Variants in BICRAL observed in about 807,000 individuals in gnomAD.
The protein encoded by BICRAL is BICRA like chromatin remodeling complex associated protein.
A neutral mutation model predicts 91.8 loss-of-function variants in BICRAL; 8 were observed. The ratio of observed to expected loss-of-function variants is 0.09; its 90% CI spans 0.05 to 0.16. BICRAL has a LOEUF of 0.16. Among genes scored for constraint, BICRAL ranks in the 10% least tolerant of loss-of-function variants. The pLI is 1.00. For missense variants in BICRAL, 1,038 were observed against 1,310.9 expected (o/e 0.79, Z 3.21); for synonymous variants, 445 against 491.1 (o/e 0.91, Z 1.24).
rs545922807 is a variant in BICRAL, at chr6:42,833,511, G to A, written c.1839+3339G>A. Reference sequence around the variant, plus strand: ...TGTCCAGGCTAGAGTGCAGTGGTACGATCTCGGCTCACTGCAACCTCCACC... The same window carrying A: ...TGTCCAGGCTAGAGTGCAGTGGTACAATCTCGGCTCACTGCAACCTCCACC... On this transcript the variant is annotated intron_variant, in intron 6 of 12. Transcript: ENST00000314073. Among the ~76,000 whole-genome samples, 6 of 151,398 alleles carry A rather than the reference G, an allele frequency of 4.0e-5. No individual in the cohort carries two copies. The South Asian group carries it at 1.0e-3, about 26-fold the overall frequency.
chr6:42,861,617 G>A (rs1765558180), intron 11 of BICRAL, among the ~76,000 whole-genome samples: 1 of 152,150 alleles, frequency 6.6e-6, no homozygotes, highest in Admixed American at 6.6e-5. Flanking sequence ...TGGGAGATTG[G>A]TTGAGCTATA....
At chr6:42,842,690 T>C (rs999885810) in intron 6 of BICRAL, among the ~76,000 whole-genome samples, 3 of 152,212 alleles carry the variant, frequency 2.0e-5, no homozygotes, top group African/African-American at 7.2e-5. Context: ...CTGCCTATTA[T>C]ACTTTTTATT....
At chr6:42,858,852 A>G (rs551170773) in intron 10 of BICRAL, among the ~76,000 whole-genome samples, 2 of 152,224 alleles carry the variant, frequency 1.3e-5, no homozygotes, top group South Asian at 4.1e-4. Context: ...TAATTTAGAG[A>G]TAAGAGCCCC....
At chr6:42,771,991 G>A (rs141605647) in intron 1 of BICRAL, among the ~76,000 whole-genome samples, 5 of 152,190 alleles carry the variant, frequency 3.3e-5, no homozygotes, top group African/African-American at 1.2e-4. Context: ...GGGAGGAGGA[G>A]GATGAAGGCA....
At chr6:42,798,776 G>T (rs113373984) in intron 1 of BICRAL, among the ~76,000 whole-genome samples, 2,408 of 152,290 alleles carry the variant, frequency 0.016, 72 homozygotes, top group African/African-American at 0.055. Flanking sequence ...CTCTAGATTT[G>T]TTTTAATTTT....
intron 1 of BICRAL, among the ~76,000 whole-genome samples, chr6:42,763,779 C>T (rs1762591589): frequency 6.6e-6 from 1 of 151,790 alleles, no homozygotes; most frequent in South Asian, 2.1e-4. Context: ...CAAGATTACA[C>T]CACTGCACTC....
chr6:42,752,102 T>C (rs777721488), intron 1 of BICRAL, among the ~76,000 whole-genome samples: 5 of 152,000 alleles, frequency 3.3e-5, no homozygotes, highest in Non-Finnish European at 7.4e-5. Flanking sequence ...TCTTCCTACC[T>C]TGGCTACTTT....
rs188125598 is a variant in BICRAL at position 42,803,378 on chromosome 6, A to C, written c.-101-6928A>C. On this transcript the variant is annotated intron_variant, in intron 1 of 12. Transcript: ENST00000314073. Reference sequence around the variant, plus strand: ...TCAGTTGATTCCTCACTTTTTTTACACTGGCTTGATAGATGCCTGGCTGGA... The same window carrying C: ...TCAGTTGATTCCTCACTTTTTTTACCCTGGCTTGATAGATGCCTGGCTGGA... Among the ~76,000 whole-genome samples, 54 of 152,142 alleles carry C rather than the reference A, an allele frequency of 3.5e-4. 1 individual carries two copies. The South Asian group carries it at 5.6e-3, about 16-fold the overall frequency.
chr6:42,749,053 C>A (rs1382256026), intron 1 of BICRAL, among the ~76,000 whole-genome samples: 1 of 152,168 alleles, frequency 6.6e-6, no homozygotes, highest in Non-Finnish European at 1.5e-5. Flanking sequence ...CAAGGTACTG[C>A]TCTCTTGTAG....
At chr6:42,821,369 G>T (rs1764131921) in intron 2 of BICRAL, among the ~76,000 whole-genome samples, 1 of 152,066 alleles carries the variant, frequency 6.6e-6, no homozygotes, top group Non-Finnish European at 1.5e-5. Context: ...AACTTTTTTG[G>T]TTGAGATTCT....
chr6:42,836,289 C>T (rs1764635157), intron 6 of BICRAL, among the ~76,000 whole-genome samples: 1 of 152,114 alleles, frequency 6.6e-6, no homozygotes, highest in African/African-American at 2.4e-5. Context: ...AATAATGCTT[C>T]AAAGGGAGGG....
At chr6:42,851,005 T>C (rs1186263505) in intron 6 of BICRAL, among the ~76,000 whole-genome samples, 1 of 151,442 alleles carries the variant, frequency 6.6e-6, no homozygotes, top group African/African-American at 2.4e-5. Context: ...GCCAATATGG[T>C]GAAACCCTGT....
intron 1 of BICRAL, among the ~76,000 whole-genome samples, chr6:42,788,066 TA>T (rs998744206): frequency 1.3e-4 from 19 of 151,280 alleles, no homozygotes; most frequent in South Asian, 4.2e-4. Context: ...CCCAACTAAT[TA>T]AAAAAAAATT....
intron 1 of BICRAL, among the ~76,000 whole-genome samples, chr6:42,808,107 G>T (rs1763760434): frequency 6.7e-6 from 1 of 149,704 alleles, no homozygotes; most frequent in South Asian, 2.1e-4. Flanking sequence ...TGAGATTCCT[G>T]TTTTTGAGGG....
chr6:42,748,735 C>G (rs975231385), intron 1 of BICRAL, among the ~76,000 whole-genome samples: 3 of 152,120 alleles, frequency 2.0e-5, no homozygotes, highest in African/African-American at 7.2e-5. Context: ...TCTTTACAGC[C>G]CCCCTGCACA....
rs1187895716 is a variant in BICRAL at position 42,785,642 on chromosome 6, GA to G, written c.-102+3543del. The stretch of plus-strand genomic sequence containing the variant: ...AGAAAAGACCCTGATATAAAGACCT[GA>G]AGATAAATCCTTAAAAGAAAAGGTT... On this transcript the variant is annotated intron_variant, in intron 1 of 12. Coordinates refer to ENST00000314073, the MANE Select transcript of BICRAL (RefSeq NM_001393499.1). Among the ~76,000 whole-genome samples, 4 of 152,016 alleles carry G rather than the reference GA, an allele frequency of 2.6e-5. No individual in the cohort carries two copies. The East Asian group carries it at 7.7e-4, about 29-fold the overall frequency.
chr6:42,826,725 CTTA>C (rs1764317168), intron 5 of BICRAL, among the ~76,000 whole-genome samples: 1 of 151,990 alleles, frequency 6.6e-6, no homozygotes, highest in Admixed American at 6.6e-5. Context: ...TGCCCTACCA[CTTA>C]TTAGCCATGT....
At chr6:42,772,189 T>C (rs1762747928) in intron 1 of BICRAL, among the ~76,000 whole-genome samples, 2 of 152,058 alleles carry the variant, frequency 1.3e-5, no homozygotes, top group South Asian at 4.1e-4. Context: ...TAGAATGAAA[T>C]ACATCAAGAT....
chr6:42,817,951 A>G (rs925860216), intron 2 of BICRAL, among the ~76,000 whole-genome samples: 2 of 145,560 alleles, frequency 1.4e-5, no homozygotes, highest in Non-Finnish European at 3.0e-5. Context: ...TGGGCAACAT[A>G]GAGAGACCCT....
Sources: allele counts gnomAD v4.1 joint callset (sites outside exome capture counted in the v4.1 genomes callset), GRCh38; gene constraint gnomAD v4.1.1; transcripts MANE v1.5; gene names NCBI Gene and HGNC (gene_info 2026-07-23, HGNC 2026-07-21).